Variants in ARB2A observed in about 807,000 individuals in gnomAD.
The protein encoded by ARB2A is ARB2 cotranscriptional regulator A, also known as cotranscriptional regulator ARB2A.
chr5:93,624,974 T>TTG, the ARB2A span, among the ~76,000 whole-genome samples: 1 of 152,212 alleles, frequency 6.6e-6, no homozygotes, highest in Non-Finnish European at 1.5e-5. Context: ...ATGCATTTTA[T>TTG]GTTTTTCAGA....
the ARB2A span, among the ~76,000 whole-genome samples, chr5:94,045,607 G>A: frequency 6.6e-6 from 1 of 151,892 alleles, no homozygotes. Flanking sequence ...ACAAAATTAG[G>A]AACATTAAAA....
the ARB2A span, among the ~76,000 whole-genome samples, chr5:94,014,284 C>T: frequency 6.6e-6 from 1 of 152,256 alleles, no homozygotes; most frequent in African/African-American, 2.4e-5. Flanking sequence ...TTGAGGCCTC[C>T]CCCATTTGGG....
the ARB2A span, among the ~76,000 whole-genome samples, chr5:94,039,826 A>G: frequency 1.3e-5 from 2 of 152,048 alleles, no homozygotes; most frequent in Non-Finnish European, 2.9e-5. Flanking sequence ...GGGTCTGGTA[A>G]CATCTTTCTG....
the ARB2A span, among the ~76,000 whole-genome samples, chr5:93,809,226 T>A: frequency 6.6e-6 from 1 of 151,998 alleles, no homozygotes; most frequent in African/African-American, 2.4e-5. Flanking sequence ...CTTAAAACAC[T>A]GATTTATTTA....
the ARB2A span, among the ~76,000 whole-genome samples, chr5:93,923,448 A>G: frequency 6.0e-4 from 91 of 152,222 alleles, no homozygotes; most frequent in Admixed American, 1.2e-3. Flanking sequence ...CAACTGCAGG[A>G]ATTGTGGGTA....
At chr5:93,732,140 T>C in the ARB2A span, among the ~76,000 whole-genome samples, 1 of 152,202 alleles carries the variant, frequency 6.6e-6, no homozygotes, top group Non-Finnish European at 1.5e-5. Flanking sequence ...GTCATGTTTC[T>C]GTTCACTGGT....
chr5:93,658,552 TG>T, the ARB2A span, among the ~76,000 whole-genome samples: 1 of 152,122 alleles, frequency 6.6e-6, no homozygotes, highest in Admixed American at 6.6e-5. Context: ...AAAAAAGATG[TG>T]GTCACTGCCT....
At chr5:93,913,992 A>G in the ARB2A span, among the ~76,000 whole-genome samples, 1 of 151,950 alleles carries the variant, frequency 6.6e-6, no homozygotes, top group Non-Finnish European at 1.5e-5. Context: ...TAGATAAAAT[A>G]TTCTCCTTTC....
At chr5:94,103,795 C>CAAAAAAAA in the ARB2A span, among the ~76,000 whole-genome samples, 2 of 113,344 alleles carry the variant, frequency 1.8e-5, no homozygotes, top group African/African-American at 3.2e-5. Flanking sequence ...TCAACAGATT[C>CAAAAAAAA]AAAAAAAAAA....
the ARB2A span, among the ~76,000 whole-genome samples, chr5:93,874,062 T>C: frequency 6.6e-6 from 1 of 152,346 alleles, no homozygotes; most frequent in South Asian, 2.1e-4. Context: ...TTGAACTGTA[T>C]CAATTTTTAA....
At chr5:93,881,004 C>G in the ARB2A span, among the ~76,000 whole-genome samples, 5 of 151,730 alleles carry the variant, frequency 3.3e-5, no homozygotes, top group South Asian at 1.0e-3. Flanking sequence ...AAACCTTACC[C>G]CCCAAGATGA....
At chr5:94,010,614 A>G in the ARB2A span, among the ~76,000 whole-genome samples, 1 of 152,104 alleles carries the variant, frequency 6.6e-6, no homozygotes, top group Non-Finnish European at 1.5e-5. Flanking sequence ...GGGATCTCTA[A>G]ACTGTCAAGT....
chr5:93,888,345 C>A, the ARB2A span, among the ~76,000 whole-genome samples: 1 of 151,678 alleles, frequency 6.6e-6, no homozygotes, highest in Non-Finnish European at 1.5e-5. Flanking sequence ...ATACATTAAA[C>A]TAAAAAGAAG....
chr5:93,689,249 C>T, the ARB2A span, among the ~76,000 whole-genome samples: 4 of 152,206 alleles, frequency 2.6e-5, no homozygotes, highest in African/African-American at 9.6e-5. Context: ...TTTACTCTCA[C>T]TGACCTGGAA....
At chr5:93,685,970 TA>T in the ARB2A span, among the ~76,000 whole-genome samples, 1 of 152,166 alleles carries the variant, frequency 6.6e-6, no homozygotes, top group Non-Finnish European at 1.5e-5. Context: ...AAAGCATATA[TA>T]AATCATCTCC....
chr5:94,105,262 T>C, the ARB2A span, among the ~76,000 whole-genome samples: 1 of 152,096 alleles, frequency 6.6e-6, no homozygotes, highest in Non-Finnish European at 1.5e-5. Context: ...ACCCAATGGT[T>C]CCTAGATCTG....
the ARB2A span, among the ~76,000 whole-genome samples, chr5:93,970,547 G>A: frequency 3.3e-5 from 5 of 151,972 alleles, no homozygotes; most frequent in South Asian, 6.3e-4. Context: ...CTTGCATAGC[G>A]GTAAGTATAC....
chr5:93,653,242 C>T, the ARB2A span, among the ~76,000 whole-genome samples: 1 of 151,830 alleles, frequency 6.6e-6, no homozygotes, highest in Non-Finnish European at 1.5e-5. Context: ...GACATTAATT[C>T]TTCTTCCTGT....
the ARB2A span, among the ~76,000 whole-genome samples, chr5:93,896,357 C>T: frequency 6.6e-6 from 1 of 152,108 alleles, no homozygotes; most frequent in Non-Finnish European, 1.5e-5. Flanking sequence ...CAGATTTCCA[C>T]ACCTGACTTC....
Sources: allele counts gnomAD v4.1 joint callset (sites outside exome capture counted in the v4.1 genomes callset), GRCh38; gene constraint gnomAD v4.1.1; transcripts MANE v1.5; gene names NCBI Gene and HGNC (gene_info 2026-07-23, HGNC 2026-07-21).